The following CHLSN variants were observed in gnomAD, a reference collection of about 807,000 sequenced individuals.
CHLSN encodes cholesin.
the CHLSN span, among the ~76,000 whole-genome samples, chr7:1,110,989 C>A: frequency 6.6e-6 from 1 of 152,156 alleles, no homozygotes; most frequent in African/African-American, 2.4e-5. Flanking sequence ...AGGCAGAGAA[C>A]TGCTTGAACC....
the CHLSN span, chr7:987,482 C>T: frequency 3.9e-6 from 6 of 1,555,098 alleles, no homozygotes; most frequent in East Asian, 2.4e-5. Flanking sequence ...CCGCACGTGC[C>T]CCGCTGCACC....
the CHLSN span, among the ~76,000 whole-genome samples, chr7:1,027,655 T>C: frequency 2.0e-5 from 3 of 152,272 alleles, no homozygotes; most frequent in Admixed American, 1.3e-4. Context: ...TTGCTTTAGT[T>C]GACACAGCTT....
At chr7:1,002,226 TGAGTGGAGTCCTGC>T in the CHLSN span, among the ~76,000 whole-genome samples, 5 of 76,436 alleles carry the variant, frequency 6.5e-5, no homozygotes, top group African/African-American at 1.7e-4. Context: ...GTCCTGCGGG[TGAGTGGAGTCCTGC>T]GGGTGAGTGG....
At chr7:1,048,541 G>A in the CHLSN span, among the ~76,000 whole-genome samples, 1 of 152,136 alleles carries the variant, frequency 6.6e-6, no homozygotes, top group African/African-American at 2.4e-5. Context: ...CTTCTGAACA[G>A]GCCTGGGGCA....
At chr7:1,000,976 C>T in the CHLSN span, among the ~76,000 whole-genome samples, 1 of 152,208 alleles carries the variant, frequency 6.6e-6, no homozygotes, top group Non-Finnish European at 1.5e-5. Flanking sequence ...GTCCCAGGCC[C>T]TCACAACAAG....
chr7:979,965 G>A, the CHLSN span, among the ~76,000 whole-genome samples: 5 of 152,274 alleles, frequency 3.3e-5, no homozygotes, highest in South Asian at 2.1e-4. Context: ...CTGCAAAAGC[G>A]TCCCGTGAAA....
chr7:990,398 G>A, the CHLSN span, among the ~76,000 whole-genome samples: 1,950 of 145,842 alleles, frequency 0.013, 117 homozygotes, highest in East Asian at 0.15. Flanking sequence ...CGGTGTGATG[G>A]GACACCTGCT....
chr7:989,953 G>A, the CHLSN span, among the ~76,000 whole-genome samples: 2 of 132,876 alleles, frequency 1.5e-5, no homozygotes, highest in Admixed American at 7.6e-5. Context: ...TGGTGGTGGC[G>A]TGGTCGGCAG....
At chr7:1,069,060 C>T in the CHLSN span, among the ~76,000 whole-genome samples, 1 of 152,126 alleles carries the variant, frequency 6.6e-6, no homozygotes, top group Non-Finnish European at 1.5e-5. Context: ...AGGCCGGGCG[C>T]GGTGGCTCAT....
the CHLSN span, among the ~76,000 whole-genome samples, chr7:1,001,766 C>T: frequency 2.8e-3 from 91 of 31,976 alleles, no homozygotes; most frequent in South Asian, 4.0e-3. Flanking sequence ...TGGAGTCCTG[C>T]GGGTGAGTGG....
chr7:1,001,485 G>GGAGT, the CHLSN span, among the ~76,000 whole-genome samples: 1 of 137,972 alleles, frequency 7.2e-6, no homozygotes, highest in Non-Finnish European at 1.6e-5. Context: ...GTGGGTGAGT[G>GGAGT]GAGTCCTGCG....
chr7:1,009,842 C>G, the CHLSN span: 1 of 997,528 alleles, frequency 1.0e-6, no homozygotes, highest in Non-Finnish European at 1.4e-6. Context: ...TCATACCTCA[C>G]TGCTCTAGAA....
the CHLSN span, among the ~76,000 whole-genome samples, chr7:1,031,276 G>C: frequency 0.11 from 16,436 of 152,282 alleles, 1,160 homozygotes; most frequent in Middle Eastern, 0.2. Context: ...AAAAGTTAAG[G>C]GTAGGCTGTT....
At chr7:1,120,733 C>T in the CHLSN span, among the ~76,000 whole-genome samples, 2 of 152,238 alleles carry the variant, frequency 1.3e-5, no homozygotes, top group Admixed American at 6.5e-5. Flanking sequence ...ACTCAGTCTC[C>T]AAACCCTAGT....
At chr7:1,023,552 C>T in the CHLSN span, among the ~76,000 whole-genome samples, 2 of 151,334 alleles carry the variant, frequency 1.3e-5, no homozygotes, top group Admixed American at 6.6e-5. This position sits in a 1 kb window ranked among gnomAD's most constrained non-coding sequence, Gnocchi z 5.0. Context: ...CATTTCTCTC[C>T]ATCCAACTTC....
the CHLSN span, among the ~76,000 whole-genome samples, chr7:1,118,956 A>T: frequency 6.6e-6 from 1 of 152,154 alleles, no homozygotes; most frequent in South Asian, 2.1e-4. Flanking sequence ...ACTCTTAAAA[A>T]AAAATAGGCT....
chr7:1,074,139 T>C, the CHLSN span, among the ~76,000 whole-genome samples: 1 of 3,766 alleles, frequency 2.7e-4, no homozygotes, highest in Admixed American at 3.1e-3. Context: ...CGCACCCCGC[T>C]GCCGTCACGC....
chr7:1,136,146 A>G, the CHLSN span, among the ~76,000 whole-genome samples: 4 of 114,546 alleles, frequency 3.5e-5, 1 homozygote, highest in African/African-American at 7.3e-5. Context: ...ACATAAATAT[A>G]TAAATATATA....
chr7:985,012 C>T, the CHLSN span: 45 of 1,611,708 alleles, frequency 2.8e-5, no homozygotes, highest in African/African-American at 4.9e-4. Context: ...GCGTGCCCTG[C>T]ACAGCCTGGG....
Sources: allele counts gnomAD v4.1 joint callset (sites outside exome capture counted in the v4.1 genomes callset), GRCh38; gene constraint gnomAD v4.1.1; non-coding constraint Gnocchi (gnomAD v3.1); transcripts MANE v1.5; gene names NCBI Gene and HGNC (gene_info 2026-07-23, HGNC 2026-07-21).